The following ATXN1 variants were observed in gnomAD, a reference collection of about 807,000 sequenced individuals.
ATXN1 encodes ataxin-1.
In ATXN1, 8 loss-of-function variants were observed where a neutral mutation model predicts 56.4. The observed-to-expected ratio is 0.14, with a 90% confidence interval of 0.08 to 0.26. ATXN1 has a LOEUF of 0.26. ATXN1 is among the 10% of genes least tolerant of loss of function. The pLI is 1.00. For synonymous variants in ATXN1, 514 were observed against 494.6 expected, an observed-to-expected ratio of 1.04 and a Z score of -0.52; for missense variants, 987 against 1,106.5, an observed-to-expected ratio of 0.89 and a Z score of 1.53.
intron 2 of ATXN1, among the ~76,000 whole-genome samples, chr6:16,687,170 T>C (rs1446828467): frequency 1.3e-5 from 2 of 152,184 alleles, no homozygotes; most frequent in Admixed American, 1.3e-4. Flanking sequence ...CATCTCACCT[T>C]ATTGTAGCAA....
intron 6 of ATXN1, among the ~76,000 whole-genome samples, chr6:16,402,709 C>A (rs1171907304): frequency 6.6e-6 from 1 of 152,206 alleles, no homozygotes; most frequent in Non-Finnish European, 1.5e-5. Flanking sequence ...CCAGCCCTCA[C>A]TGACATTAAC....
At chr6:16,347,905 C>T (rs574165573) in intron 6 of ATXN1, among the ~76,000 whole-genome samples, 97 of 152,336 alleles carry the variant, frequency 6.4e-4, no homozygotes, top group Non-Finnish European at 1.4e-3. Flanking sequence ...ATAAATCTTG[C>T]TGCTGCTGTT....
rs1762825989 is a variant in ATXN1, at chr6:16,596,957, G to A, written c.-488-11050C>T. 1.3e-5 allele frequency among the ~76,000 whole-genome samples: 2 copies of A among 152,210 alleles called. 1 individual carries two copies. Among genetic ancestry groups the A allele is most frequent in the South Asian group, 4.1e-4 (2 of 4,826 alleles). ...ACTCTCTCTTTTACCTGCTGCCACA[G>A]GGACAGCCTTCCTGCTCCCTGATTG... On this transcript the variant is annotated intron_variant, in intron 3 of 7. Transcript: ENST00000436367.
intron 6 of ATXN1, among the ~76,000 whole-genome samples, chr6:16,345,947 A>C (rs934861058): frequency 1.3e-5 from 2 of 152,162 alleles, no homozygotes; most frequent in Non-Finnish European, 2.9e-5. Flanking sequence ...TCAGGTATTC[A>C]TTCAATAAAA....
At chr6:16,522,155 C>T (rs1029469551) in intron 5 of ATXN1, among the ~76,000 whole-genome samples, 2 of 152,182 alleles carry the variant, frequency 1.3e-5, no homozygotes, top group African/African-American at 4.8e-5. Context: ...TGATGTGAGC[C>T]TCTGGGCCTC....
rs1363610890 is a variant in ATXN1, at chr6:16,301,066, A to C, written c.*5263T>G. 6.7e-6 allele frequency: 1 copy of C among 148,740 alleles called. No individual in the cohort carries two copies. The highest frequency in any genetic ancestry group is 2.5e-5 in the African/African-American group (1 of 39,668). The allele number at this position is 148,740 out of a possible 1,614,324, so 9.2% of individuals were successfully genotyped here. On this transcript the variant is annotated 3_prime_UTR_variant, in exon 8 of 8. Coordinates refer to ENST00000436367, the MANE Select transcript of ATXN1 (RefSeq NM_001128164.2). ...AATTTCTATATACAAAAAAACATGT[A>C]ACTTTCAACCCTTCTCTGCTTTTTT... is the stretch of plus-strand genomic sequence containing the variant.
chr6:16,378,537 CTTTA>C (rs71535078), intron 6 of ATXN1, among the ~76,000 whole-genome samples: 12,330 of 146,714 alleles, frequency 0.084, 547 homozygotes, highest in South Asian at 0.11. Flanking sequence ...CCTCTCTTGA[CTTTA>C]TTTATTTATT....
chr6:16,759,240 C>G (rs1760982897), intron 1 of ATXN1, among the ~76,000 whole-genome samples: 1 of 152,260 alleles, frequency 6.6e-6, no homozygotes, highest in Non-Finnish European at 1.5e-5. Flanking sequence ...GATGTGACTA[C>G]TAGATTGCCA....
intron 4 of ATXN1, among the ~76,000 whole-genome samples, chr6:16,582,448 A>G (rs1054278389): frequency 6.6e-6 from 1 of 152,224 alleles, no homozygotes; most frequent in Non-Finnish European, 1.5e-5. Context: ...GATTAAAATT[A>G]AAGACCTTGT....
At chr6:16,440,633 C>A (rs190605654) in intron 6 of ATXN1, among the ~76,000 whole-genome samples, 471 of 25,226 alleles carry the variant, frequency 0.019, 5 homozygotes, top group Non-Finnish European at 0.024. Flanking sequence ...AGAGTGAGAC[C>A]CTGTCTTAAA....
At chr6:16,430,720 T>TGCGCGC (rs1759263958) in intron 6 of ATXN1, among the ~76,000 whole-genome samples, 1 of 147,438 alleles carries the variant, frequency 6.8e-6, no homozygotes, top group African/African-American at 2.5e-5. Flanking sequence ...TGTGTGTGTG[T>TGCGCGC]GTGCGCGTGT....
intron 6 of ATXN1, among the ~76,000 whole-genome samples, chr6:16,335,442 G>C (rs1369616190): frequency 3.3e-5 from 5 of 152,196 alleles, no homozygotes; most frequent in African/African-American, 1.2e-4. Context: ...CTGGGACATG[G>C]GATCTTGCTC....
intron 4 of ATXN1, among the ~76,000 whole-genome samples, chr6:16,548,914 C>T (rs781060448): frequency 1.3e-5 from 2 of 152,126 alleles, no homozygotes; most frequent in Admixed American, 6.5e-5. Context: ...CAAAGTAAGG[C>T]TGTCTCAATA....
intron 2 of ATXN1, among the ~76,000 whole-genome samples, chr6:16,750,592 C>T (rs1266854504): frequency 2.0e-5 from 3 of 152,100 alleles, no homozygotes; most frequent in Admixed American, 6.5e-5. Flanking sequence ...AAAATGTCAG[C>T]GCTTAAAATT....
intron 5 of ATXN1, among the ~76,000 whole-genome samples, chr6:16,512,339 G>A (rs1294576732): frequency 6.6e-6 from 1 of 152,176 alleles, no homozygotes; most frequent in Non-Finnish European, 1.5e-5. Context: ...ACAGAACCAG[G>A]AAATAGCTGA....
At chr6:16,759,755 C>G (rs1189243816) in intron 1 of ATXN1, among the ~76,000 whole-genome samples, 1 of 151,802 alleles carries the variant, frequency 6.6e-6, no homozygotes, top group Non-Finnish European at 1.5e-5. Context: ...CCTACTTCCA[C>G]CCCCACTAAG....
intron 7 of ATXN1, among the ~76,000 whole-genome samples, chr6:16,322,885 C>T (rs1043992899): frequency 2.6e-5 from 4 of 152,312 alleles, no homozygotes; most frequent in African/African-American, 4.8e-5. Flanking sequence ...TCATTGGTTG[C>T]GTCAGGCCTT....
chr6:16,716,907 G>C lies in ATXN1; in HGVS notation c.-615+36326C>G, dbSNP rs11967040. 5.5e-3 allele frequency among the ~76,000 whole-genome samples: 837 copies of C among 152,274 alleles called. 9 individuals are homozygous for C. The highest frequency in any genetic ancestry group is 0.018 in the African/African-American group (768 of 41,552). ...AGCTTGATATGAAGATACAGTTCAC[G>C]AGATGTCCATCCCAAAGCCTCTATC... On this transcript the variant is annotated intron_variant, in intron 2 of 7. Coordinates refer to ENST00000436367, the MANE Select transcript of ATXN1 (RefSeq NM_001128164.2).
intron 6 of ATXN1, among the ~76,000 whole-genome samples, chr6:16,461,464 G>GA (rs1759993773): frequency 6.6e-6 from 1 of 152,150 alleles, no homozygotes; most frequent in South Asian, 2.1e-4. Context: ...TGTGCCAAAG[G>GA]AAAAATCTCT....
Sources: allele counts gnomAD v4.1 joint callset (sites outside exome capture counted in the v4.1 genomes callset), GRCh38; gene constraint gnomAD v4.1.1; transcripts MANE v1.5; gene names NCBI Gene and HGNC (gene_info 2026-07-23, HGNC 2026-07-21).